The following DGCR2 variants were observed in gnomAD, a reference collection of about 807,000 sequenced individuals.
The protein encoded by DGCR2 is integral membrane protein DGCR2/IDD.
DGCR2 carries 24 observed loss-of-function variants against 51.6 expected under a neutral mutation model. The observed-to-expected ratio is 0.47, with a 90% CI of 0.34 to 0.65. The LOEUF is 0.65. Among genes scored for constraint, DGCR2 ranks in the 30% least tolerant of loss-of-function variants. The pLI, the probability that DGCR2 is intolerant of heterozygous loss-of-function variation, is 0.01. For synonymous variants in DGCR2, 340 were observed against 315.4 expected (o/e 1.08, Z -0.82); for missense variants, 765 against 772.1 (o/e 0.99, Z 0.11).
chr22:19,094,066 A>C (rs1447398848), intron 1 of DGCR2, among the ~76,000 whole-genome samples: 1 of 152,268 alleles, frequency 6.6e-6, no homozygotes, highest in Non-Finnish European at 1.5e-5. Flanking sequence ...ACCAAGGAAG[A>C]TATATACAGA....
intron 1 of DGCR2, among the ~76,000 whole-genome samples, chr22:19,118,430 T>C (rs1248734432): frequency 6.6e-6 from 1 of 150,956 alleles, no homozygotes; most frequent in Non-Finnish European, 1.5e-5. Context: ...AGGTGCTGTG[T>C]TCACTTCTCA....
At chr22:19,110,751 CA>C (rs2083305974) in intron 1 of DGCR2, among the ~76,000 whole-genome samples, 1 of 152,130 alleles carries the variant, frequency 6.6e-6, no homozygotes, top group Non-Finnish European at 1.5e-5. Context: ...GCCCATGTTT[CA>C]AATACCCACT....
At chr22:19,063,084 A>G in intron 5 of DGCR2, 118 bp downstream of exon 5, 1 of 602,030 alleles carries the variant, frequency 1.7e-6, no homozygotes, top group Non-Finnish European at 2.6e-6. Context: ...GGGCTCACCC[A>G]CTCCCTGCAC....
At chr22:19,064,760 C>T in intron 4 of DGCR2, 88 bp downstream of exon 4, 2 of 1,298,866 alleles carry the variant, frequency 1.5e-6, no homozygotes, top group Non-Finnish European at 1.1e-6. Context: ...AGCTGTGCTC[C>T]AGGAGTTTAC....
At chr22:19,090,968 A>G (rs1017167954) in intron 1 of DGCR2, among the ~76,000 whole-genome samples, 6 of 152,216 alleles carry the variant, frequency 3.9e-5, no homozygotes, top group Non-Finnish European at 5.9e-5. Flanking sequence ...ATACAACTAC[A>G]TATTACCTAA....
chr22:19,102,081 A>G (rs950731759), intron 1 of DGCR2, among the ~76,000 whole-genome samples: 3 of 152,322 alleles, frequency 2.0e-5, no homozygotes, highest in Admixed American at 1.3e-4. Context: ...GTGATCAGCC[A>G]TCAGCCATAA....
chr22:19,097,100 A>G (rs1212461033), intron 1 of DGCR2, among the ~76,000 whole-genome samples: 1 of 151,954 alleles, frequency 6.6e-6, no homozygotes, highest in Non-Finnish European at 1.5e-5. Context: ...TATCCTCCAA[A>G]AGCAAACGTC....
chr22:19,117,809 G>C (rs761158499), intron 1 of DGCR2, among the ~76,000 whole-genome samples: 1 of 152,180 alleles, frequency 6.6e-6, no homozygotes, highest in Non-Finnish European at 1.5e-5. Flanking sequence ...ATTAGCTAGT[G>C]AAGGTAGAAA....
chr22:19,098,414 C>G (rs1055729475), intron 1 of DGCR2, among the ~76,000 whole-genome samples: 3 of 152,214 alleles, frequency 2.0e-5, no homozygotes, highest in Middle Eastern at 3.2e-3. Flanking sequence ...TCTGCCACAG[C>G]TGCTCAACCC....
intron 1 of DGCR2, among the ~76,000 whole-genome samples, chr22:19,114,063 A>G (rs1273656287): frequency 2.1e-4 from 13 of 60,894 alleles, no homozygotes; most frequent in African/African-American, 1.0e-3. Flanking sequence ...CCATTTGAGG[A>G]AAAAAAAAAA....
chr22:19,095,646 G>A (rs1303814136), intron 1 of DGCR2, among the ~76,000 whole-genome samples: 7 of 136,468 alleles, frequency 5.1e-5, no homozygotes, highest in South Asian at 2.5e-4. Context: ...GGGCAACAGC[G>A]CAAGACTCCG....
At chr22:19,092,037 C>CA (rs1361009131) in intron 1 of DGCR2, among the ~76,000 whole-genome samples, 16 of 148,510 alleles carry the variant, frequency 1.1e-4, no homozygotes, top group Admixed American at 2.7e-4. Flanking sequence ...GTCTGATCAG[C>CA]AAAAAAAAAT....
At chr22:19,054,779 A>G (rs2082584047) in intron 6 of DGCR2, among the ~76,000 whole-genome samples, 1 of 151,956 alleles carries the variant, frequency 6.6e-6, no homozygotes, top group African/African-American at 2.4e-5. Flanking sequence ...AGAGTATAGA[A>G]AAAAATGTAA....
At chr22:19,097,912 T>G (rs2083159653) in intron 1 of DGCR2, among the ~76,000 whole-genome samples, 2 of 152,076 alleles carry the variant, frequency 1.3e-5, no homozygotes, top group African/African-American at 4.8e-5. Context: ...CCAGAAGGGC[T>G]GAGAAAGGGG....
chr22:19,056,955 T>TC, intron 6 of DGCR2, 31 bp downstream of exon 6: 2 of 1,539,232 alleles, frequency 1.3e-6, no homozygotes, highest in South Asian at 1.2e-5. Context: ...GCCCAGACAT[T>TC]CCCCAAGAAC....
At chr22:19,087,029 C>T (rs1243544344) in intron 2 of DGCR2, among the ~76,000 whole-genome samples, 1 of 152,216 alleles carries the variant, frequency 6.6e-6, no homozygotes, top group Non-Finnish European at 1.5e-5. Context: ...TGAAAGCAAA[C>T]CAAGAATCAT....
chr22:19,051,680 T>G (rs915092923), intron 6 of DGCR2, among the ~76,000 whole-genome samples: 9 of 152,188 alleles, frequency 5.9e-5, no homozygotes, highest in African/African-American at 2.2e-4. Flanking sequence ...GAACTATGAT[T>G]GCACCACTGC....
At chr22:19,103,419 T>A (rs1167740713) in intron 1 of DGCR2, among the ~76,000 whole-genome samples, 2 of 40,212 alleles carry the variant, frequency 5.0e-5, no homozygotes, top group African/African-American at 3.2e-4. Flanking sequence ...AAAAGTTCTT[T>A]TTTTTTTTTT....
intron 1 of DGCR2, among the ~76,000 whole-genome samples, chr22:19,119,958 C>T (rs191690184): frequency 2.0e-5 from 3 of 152,108 alleles, no homozygotes; most frequent in Admixed American, 6.5e-5. Flanking sequence ...CTTTTAAGGC[C>T]GGAATCCCCA....
Sources: gnomAD v4.1 joint callset for allele counts (sites outside exome capture counted in the v4.1 genomes callset) on GRCh38, gnomAD v4.1.1 for gene constraint, MANE v1.5 for transcripts, NCBI Gene and HGNC (gene_info 2026-07-23, HGNC 2026-07-21) for gene names.